Variants in PAX8 observed in about 807,000 individuals in gnomAD.
PAX8 encodes paired box 8.
PAX8 carries 15 observed loss-of-function variants against 52.4 expected under a neutral mutation model. The observed-to-expected ratio is 0.29, with a 90% CI of 0.19 to 0.44. The LOEUF (loss-of-function observed/expected upper bound fraction) is 0.44. PAX8 is among the 20% of genes least tolerant of loss of function. The pLI is 1.00. For synonymous variants in PAX8, 284 were observed against 249.7 expected (o/e 1.14, Z -1.29); for missense variants, 554 against 602.5 (o/e 0.92, Z 0.84).
intron 2 of PAX8, among the ~76,000 whole-genome samples, chr2:113,278,110 C>T (rs1693954132): frequency 6.6e-6 from 1 of 152,250 alleles, no homozygotes; most frequent in Admixed American, 6.5e-5. Flanking sequence ...CCCTCTAACT[C>T]CACAGAGATC....
At position 113,236,584 on chromosome 2, in the gene PAX8, G is replaced by A. The variant is rs1169731936; in HGVS notation, c.898+17C>T. On this transcript the variant is annotated intron_variant, in intron 8 of 11. Transcript: ENST00000429538. ...TCCCCCGCCCTCCACCTGCCAGGGA[G>A]GCTCCGGGCGTTGTACCTGCCACCA... is the stretch of plus-strand genomic sequence containing the variant. The A allele has an allele frequency of 2.6e-6, 4 of 1,555,648 alleles. No individual in the cohort carries two copies. Among genetic ancestry groups the A allele is most frequent in the East Asian group, 2.4e-5 (1 of 41,606 alleles).
chr2:113,234,053 C>T (rs1282380650), intron 9 of PAX8, among the ~76,000 whole-genome samples: 1 of 152,234 alleles, frequency 6.6e-6, no homozygotes, highest in African/African-American at 2.4e-5. Flanking sequence ...TTACTTCTGT[C>T]ACTAAATACC....
intron 2 of PAX8, chr2:113,250,950 A>C (rs1031438555): frequency 9.9e-5 from 15 of 152,212 alleles, no homozygotes; most frequent in African/African-American, 2.7e-4. Flanking sequence ...AGCTGCAAGG[A>C]AGAGTATCTA....
chr2:113,242,580 A>G (rs891839288), intron 5 of PAX8, 110 bp downstream of exon 5: 1 of 822,858 alleles, frequency 1.2e-6, no homozygotes, highest in Middle Eastern at 2.2e-4. Flanking sequence ...GGTACTGTGC[A>G]CAGCTATGTC....
At chr2:113,253,347 G>A (rs1691935576) in intron 2 of PAX8, among the ~76,000 whole-genome samples, 1 of 152,138 alleles carries the variant, frequency 6.6e-6, no homozygotes, top group African/African-American at 2.4e-5. Flanking sequence ...ACCCCAGTCA[G>A]GTCCTTCCCC....
At chr2:113,241,404 G>T in intron 7 of PAX8, 147 bp downstream of exon 7, 1 of 774,246 alleles carries the variant, frequency 1.3e-6, no homozygotes, top group Non-Finnish European at 2.2e-6. Flanking sequence ...AATAAAGCAT[G>T]TGTCAGGCTT....
At chr2:113,228,650 A>G (rs904180794) in intron 9 of PAX8, among the ~76,000 whole-genome samples, 21 of 152,248 alleles carry the variant, frequency 1.4e-4, no homozygotes, top group Admixed American at 1.1e-3. Flanking sequence ...GTGTTGGACT[A>G]TGACTCTTTT....
chr2:113,242,384 C>T (rs1258226477), intron 5 of PAX8, among the ~76,000 whole-genome samples: 1 of 152,050 alleles, frequency 6.6e-6, no homozygotes, highest in Non-Finnish European at 1.5e-5. Flanking sequence ...GGCAGCAAGC[C>T]GAACCATGGA....
intron 2 of PAX8, among the ~76,000 whole-genome samples, chr2:113,252,028 C>T (rs1691811317): frequency 6.6e-6 from 1 of 152,194 alleles, no homozygotes; most frequent in Non-Finnish European, 1.5e-5. Flanking sequence ...CATGGTGGGA[C>T]CCCCAAATCC....
At chr2:113,241,775 A>C in intron 6 of PAX8, 49 bp from the exon 7 acceptor site, 1 of 1,598,884 alleles carries the variant, frequency 6.3e-7, no homozygotes, top group African/African-American at 1.3e-5. Context: ...CTATCTATTC[A>C]TGCTCTAGGC....
At chr2:113,241,749 A>G (rs376468154) in intron 6 of PAX8, 23 bp from the exon 7 acceptor site, 2 of 1,613,222 alleles carry the variant, frequency 1.2e-6, no homozygotes, top group Non-Finnish European at 1.7e-6. Context: ...GGGAAGGAAG[A>G]AAGCTTTTAG....
At chr2:113,273,027 C>A (rs1428790138) in intron 2 of PAX8, 2 of 152,206 alleles carry the variant, frequency 1.3e-5, no homozygotes, top group Admixed American at 6.5e-5. Flanking sequence ...GAAACAGTTT[C>A]TTTTATCTTT....
At chr2:113,229,076 T>C (rs370669810) in intron 9 of PAX8, among the ~76,000 whole-genome samples, 2 of 152,148 alleles carry the variant, frequency 1.3e-5, no homozygotes, top group Non-Finnish European at 2.9e-5. Context: ...AGAAGGGACA[T>C]AGGCTGGGAT....
At chr2:113,229,785 C>A (rs1032769790) in intron 9 of PAX8, among the ~76,000 whole-genome samples, 4 of 152,162 alleles carry the variant, frequency 2.6e-5, no homozygotes, top group Non-Finnish European at 5.9e-5. Context: ...AGATGAAGCA[C>A]CGGCTAGGCA....
intron 9 of PAX8, among the ~76,000 whole-genome samples, chr2:113,234,251 G>A (rs865975366): frequency 2.0e-5 from 3 of 152,320 alleles, no homozygotes; most frequent in Non-Finnish European, 4.4e-5. Context: ...CTGCATCTCA[G>A]GCCCTCTCCA....
chr2:113,241,110 G>A (rs1323675086), intron 7 of PAX8: 2 of 317,882 alleles, frequency 6.3e-6, no homozygotes, highest in Middle Eastern at 1.1e-3. Context: ...AGGTGTGAGC[G>A]AGGGTGGTGA....
intron 2 of PAX8, among the ~76,000 whole-genome samples, chr2:113,262,896 A>G (rs958759842): frequency 3.3e-5 from 5 of 152,248 alleles, no homozygotes; most frequent in Non-Finnish European, 7.3e-5. Flanking sequence ...GAACTGTGAA[A>G]CAATAAATTT....
intron 10 of PAX8, among the ~76,000 whole-genome samples, chr2:113,224,375 C>T (rs558269970): frequency 5.3e-5 from 8 of 152,022 alleles, no homozygotes; most frequent in African/African-American, 1.4e-4. Flanking sequence ...GGTGAAACTC[C>T]GTCTCTACCA....
chr2:113,275,990 G>A (rs868725301), intron 2 of PAX8: 1 of 152,346 alleles, frequency 6.6e-6, no homozygotes, highest in African/African-American at 2.4e-5. Context: ...TATTGGGAAG[G>A]GTGCGCTCGG....
Sources: allele counts gnomAD v4.1 joint callset (sites outside exome capture counted in the v4.1 genomes callset), GRCh38; gene constraint gnomAD v4.1.1; transcripts MANE v1.5; gene names NCBI Gene and HGNC (gene_info 2026-07-23, HGNC 2026-07-21).